Variants in DPYD observed in about 807,000 individuals in gnomAD.
DPYD encodes the protein dihydropyrimidine dehydrogenase, also known as dihydropyrimidine dehydrogenase [NADP(+)].
In DPYD, 109 loss-of-function variants were observed where a neutral mutation model predicts 116.2. That is an observed-to-expected ratio of 0.94 (90% confidence interval 0.80 to 1.10). The LOEUF (loss-of-function observed/expected upper bound fraction) is 1.10. Ranked by LOEUF, DPYD falls within the 50% of genes least tolerant of loss-of-function variation. DPYD has a pLI of 0.00. For missense variants in DPYD, 1,302 were observed against 1,254.5 expected (o/e 1.04, Z -0.57); for synonymous variants, 440 against 432.0 (o/e 1.02, Z -0.23).
intron 3 of DPYD, among the ~76,000 whole-genome samples, chr1:97,793,652 A>G (rs1667424453): frequency 6.6e-6 from 1 of 152,186 alleles, no homozygotes; most frequent in South Asian, 2.1e-4. Flanking sequence ...TATGAAAAAA[A>G]CAAAAACAAA....
At chr1:97,429,788 T>C (rs2101725510) in intron 14 of DPYD, among the ~76,000 whole-genome samples, 1 of 152,254 alleles carries the variant, frequency 6.6e-6, no homozygotes, top group East Asian at 1.9e-4. Flanking sequence ...TGGCAACACA[T>C]AATTCTAAAA....
chr1:97,453,920 A>G (rs1228807666), intron 13 of DPYD, among the ~76,000 whole-genome samples: 1 of 152,078 alleles, frequency 6.6e-6, no homozygotes, highest in Non-Finnish European at 1.5e-5. Flanking sequence ...GTTGATTTAT[A>G]ATAGAGAATG....
intron 2 of DPYD, among the ~76,000 whole-genome samples, chr1:97,865,695 T>C (rs1378675184): frequency 6.6e-6 from 1 of 151,972 alleles, no homozygotes. Flanking sequence ...CCAATTATAC[T>C]ATGAATATGT....
chr1:97,397,223 A>G (rs534643756), intron 14 of DPYD, among the ~76,000 whole-genome samples: 2 of 152,164 alleles, frequency 1.3e-5, no homozygotes, highest in African/African-American at 4.8e-5. Flanking sequence ...ACTAATATAT[A>G]CGCATGTATA....
intron 3 of DPYD, among the ~76,000 whole-genome samples, chr1:97,784,694 GTC>G (rs1666928730): frequency 6.6e-6 from 1 of 152,112 alleles, no homozygotes; most frequent in African/African-American, 2.4e-5. Context: ...TTTTCAGACA[GTC>G]TCTTCTAACT....
At chr1:97,306,027 T>C in intron 17 of DPYD, 150 bp downstream of exon 17, 2 of 1,208,758 alleles carry the variant, frequency 1.7e-6, no homozygotes, top group South Asian at 2.5e-5. Context: ...AAATCTCCTG[T>C]GTTTGTGGGA....
At chr1:97,904,404 A>G (rs1300925473) in intron 1 of DPYD, among the ~76,000 whole-genome samples, 2 of 151,932 alleles carry the variant, frequency 1.3e-5, no homozygotes, top group Admixed American at 6.6e-5. Context: ...GGGTTATTGC[A>G]CTGAAGGCAG....
chr1:97,510,632 GC>G (rs985330731), intron 13 of DPYD, among the ~76,000 whole-genome samples: 2 of 152,070 alleles, frequency 1.3e-5, no homozygotes, highest in Non-Finnish European at 2.9e-5. Flanking sequence ...AGGACTGTTT[GC>G]AAAGATGGCT....
chr1:97,546,749 G>T (rs1481330753), intron 12 of DPYD: 19 of 1,613,044 alleles, frequency 1.2e-5, no homozygotes, highest in Non-Finnish European at 1.5e-5. Flanking sequence ...GGCAAGCCTG[G>T]AAATTATCAG....
intron 12 of DPYD, chr1:97,546,721 C>T (rs1263232942): frequency 3.7e-6 from 6 of 1,612,976 alleles, no homozygotes; most frequent in Non-Finnish European, 5.1e-6. Context: ...GGAAGTAGAG[C>T]TGAAGTTTCC....
chr1:97,282,954 A>C (rs1665420873), intron 18 of DPYD, among the ~76,000 whole-genome samples: 1 of 152,138 alleles, frequency 6.6e-6, no homozygotes. Context: ...TTCTTTATTC[A>C]GTCCACTGCT....
intron 18 of DPYD, among the ~76,000 whole-genome samples, chr1:97,252,793 A>G (rs1029475610): frequency 2.3e-4 from 35 of 152,190 alleles, no homozygotes; most frequent in African/African-American, 7.7e-4. Flanking sequence ...AATGGTCACA[A>G]TGTATATATT....
In DPYD at chr1:97,270,560, T is replaced by G. The variant is rs1232134292; in HGVS notation, c.2299+34699A>C. Among the ~76,000 whole-genome samples, 4 of 152,136 alleles carry G rather than the reference T, an allele frequency of 2.6e-5. No homozygotes were observed. The East Asian group carries it at 5.8e-4, about 22-fold the overall frequency. On this transcript the variant is annotated intron_variant, in intron 18 of 22. Transcript: ENST00000370192. Reference sequence around the variant, plus strand: ...TGGGGCTGGTAAGCTCTGCTGCAAGTGTGGGGCCAGAAAATATTTCATATA... The same window carrying G: ...TGGGGCTGGTAAGCTCTGCTGCAAGGGTGGGGCCAGAAAATATTTCATATA...
chr1:97,688,078 G>A (rs753763147), intron 7 of DPYD, among the ~76,000 whole-genome samples: 9 of 152,086 alleles, frequency 5.9e-5, no homozygotes, highest in Non-Finnish European at 7.4e-5. Context: ...CATGTCACAC[G>A]TTTACCTATG....
intron 20 of DPYD, among the ~76,000 whole-genome samples, chr1:97,126,138 G>C (rs1192205726): frequency 6.6e-6 from 1 of 152,014 alleles, no homozygotes; most frequent in Non-Finnish European, 1.5e-5. Context: ...TTTGCTGTGC[G>C]TGTGAGGCTC....
chr1:97,716,115 A>C (rs1176771617), intron 5 of DPYD, among the ~76,000 whole-genome samples: 1 of 152,038 alleles, frequency 6.6e-6, no homozygotes, highest in East Asian at 1.9e-4. Flanking sequence ...ATAATTGTTA[A>C]ATGTTCTCTA....
intron 13 of DPYD, among the ~76,000 whole-genome samples, chr1:97,461,059 A>C (rs1005436690): frequency 3.3e-5 from 5 of 151,654 alleles, no homozygotes; most frequent in Non-Finnish European, 7.4e-5. Flanking sequence ...AAAAGAAAGA[A>C]GCGATCACAC....
intron 16 of DPYD, among the ~76,000 whole-genome samples, chr1:97,325,974 T>C (rs1668687849): frequency 6.6e-6 from 1 of 151,710 alleles, no homozygotes; most frequent in Non-Finnish European, 1.5e-5. Flanking sequence ...GAAGGCCATA[T>C]GTTTAATCCA....
chr1:97,856,633 C>G (rs991525426), intron 2 of DPYD: 3 of 152,172 alleles, frequency 2.0e-5, no homozygotes, highest in Admixed American at 6.5e-5. Flanking sequence ...TTCTGAGGAC[C>G]ACCAGGGCAC....
Sources: gnomAD v4.1 joint callset for allele counts (sites outside exome capture counted in the v4.1 genomes callset) on GRCh38, gnomAD v4.1.1 for gene constraint, MANE v1.5 for transcripts, NCBI Gene and HGNC (gene_info 2026-07-23, HGNC 2026-07-21) for gene names.